The following PSMC6 variants were observed in gnomAD, a reference collection of about 807,000 sequenced individuals.
PSMC6 encodes proteasome 26S subunit, ATPase 6.
Under a neutral mutation model 55.9 loss-of-function variants are expected in PSMC6, and 3 were observed. The ratio of observed to expected loss-of-function variants is 0.05; its 90% CI spans 0.02 to 0.14. PSMC6 has a LOEUF of 0.14. Ranked by LOEUF, PSMC6 falls within the 10% of genes least tolerant of loss-of-function variation. The probability of loss-of-function intolerance (pLI) is 1.00; values close to 1 mark genes in which losing one functional copy is unlikely to be tolerated. For synonymous variants in PSMC6, 137 were observed against 155.9 expected (o/e 0.88, Z 0.90); for missense variants, 210 against 478.7 (o/e 0.44, Z 5.24).
chr14:52,715,578 G>T (rs990271732), intron 7 of PSMC6, among the ~76,000 whole-genome samples: 1 of 151,492 alleles, frequency 6.6e-6, no homozygotes, highest in South Asian at 2.1e-4. Flanking sequence ...CATATATCTG[G>T]CACTATGTGG....
chr14:52,713,972 G>T lies in PSMC6; in HGVS notation c.529+4G>T, dbSNP rs763438436. The T allele has an allele frequency of 2.0e-6, 3 of 1,504,954 alleles. No homozygotes were observed. The highest frequency in any genetic ancestry group is 2.7e-6 in the Non-Finnish European group (3 of 1,098,330). The allele number at this position is 1,504,954 out of a possible 1,614,324, so 93.2% of individuals were successfully genotyped here. ...TGTTTGTTATATGGACCACCAGGTT[G>T]GTATTGAATTATTTCTACTCCACCA... On this transcript the variant is annotated splice_donor_region_variant and intron_variant, in intron 7 of 13. Transcript: ENST00000445930.
At position 52,723,960 on chromosome 14, in the gene PSMC6, A is replaced by T; in HGVS notation, c.980-5A>T. On this transcript the variant is annotated splice_region_variant and splice_polypyrimidine_tract_variant and intron_variant, in intron 12 of 13. Coordinates refer to ENST00000445930, the MANE Select transcript of PSMC6 (RefSeq NM_002806.5). ...AAACTAATTTCCAGTATTTTTTCTA[A>T]ACAGATTATGAAGCAATTGTGAAGC... 6.2e-7 allele frequency: 1 copy of T among 1,612,366 alleles called. No individual in the cohort carries two copies. The highest frequency in any genetic ancestry group is 8.5e-7 in the Non-Finnish European group (1 of 1,179,346).
chr14:52,724,154 C>G, intron 13 of PSMC6, 118 bp downstream of exon 13: 3 of 880,860 alleles, frequency 3.4e-6, no homozygotes, highest in East Asian at 2.7e-5. Flanking sequence ...TCATGCTGTT[C>G]TTTTAGGAAT....
At chr14:52,718,029 C>T (rs889287814) in intron 7 of PSMC6, 52 bp from the exon 8 acceptor site, 3 of 1,571,060 alleles carry the variant, frequency 1.9e-6, no homozygotes, top group African/African-American at 2.7e-5. Flanking sequence ...TGTCTCAAAA[C>T]AAATTTTTTT....
At chr14:52,724,657 G>A (rs1594855179) in intron 13 of PSMC6, among the ~76,000 whole-genome samples, 1 of 152,158 alleles carries the variant, frequency 6.6e-6, no homozygotes, top group East Asian at 1.9e-4. Context: ...ATAATTCTCT[G>A]TGGATTGTGT....
At chr14:52,716,801 A>G (rs1244197939) in intron 7 of PSMC6, among the ~76,000 whole-genome samples, 1 of 152,196 alleles carries the variant, frequency 6.6e-6, no homozygotes, top group Non-Finnish European at 1.5e-5. Flanking sequence ...TTGGAATACT[A>G]TTCAGCCTTA....
intron 6 of PSMC6, among the ~76,000 whole-genome samples, chr14:52,713,083 T>C (rs745527640): frequency 2.0e-4 from 31 of 152,058 alleles, no homozygotes; most frequent in Non-Finnish European, 3.1e-4. Context: ...GTACAAAAAT[T>C]AGCCAGGTGT....
At chr14:52,725,477 G>A (rs746586156) in intron 13 of PSMC6, among the ~76,000 whole-genome samples, 3 of 152,144 alleles carry the variant, frequency 2.0e-5, no homozygotes, top group Non-Finnish European at 4.4e-5. Flanking sequence ...TTCAACTACA[G>A]TTGCCCTTCC....
rs1233465285 is a variant in PSMC6, at chr14:52,707,645, G to T, written c.85+341G>T. On this transcript the variant is annotated intron_variant, in intron 1 of 13. Transcript: ENST00000445930. ...TCCCGGGACTTGGAGAGGGGAAGGCGCTTGAGTCAAGTAAGCTCAAACAAG... is the reference window on the plus strand; with the variant it reads ...TCCCGGGACTTGGAGAGGGGAAGGCTCTTGAGTCAAGTAAGCTCAAACAAG... 3 of 270,256 alleles carry T rather than the reference G, an allele frequency of 1.1e-5. No individual in the cohort carries two copies. In the East Asian group the frequency reaches 3.0e-4, roughly 27 times the overall value. The allele number at this position is 270,256 out of a possible 1,614,324, so 16.7% of individuals were successfully genotyped here.
chr14:52,725,660 C>T (rs113770556), intron 13 of PSMC6, among the ~76,000 whole-genome samples: 10 of 152,286 alleles, frequency 6.6e-5, no homozygotes, highest in African/African-American at 2.4e-4. Context: ...GGACTATAGG[C>T]GTGCGCCACC....
chr14:52,711,903 C>T (rs1024240650), intron 6 of PSMC6, among the ~76,000 whole-genome samples: 6 of 152,132 alleles, frequency 3.9e-5, no homozygotes, highest in African/African-American at 1.4e-4. Context: ...ACTAGCTTCC[C>T]ACTCTTACAG....
At chr14:52,722,374 CTT>C (rs76724270) in intron 12 of PSMC6, 26 of 136,700 alleles carry the variant, frequency 1.9e-4, no homozygotes, top group East Asian at 4.2e-4. Context: ...CCCCCCTGCC[CTT>C]TTTTTTTTTT....
In PSMC6 at chr14:52,711,183, C is replaced by G; in HGVS notation, c.326+15C>G. ...ACTATCATGAGGTGGGTTTCTTATT[C>G]TATTTAGTTCACCTTTTATTTTCAC... On this transcript the variant is annotated intron_variant, in intron 5 of 13. Transcript: ENST00000445930. The G allele has an allele frequency of 6.3e-7, 1 of 1,599,130 alleles. No individual in the cohort carries two copies.
chr14:52,711,016 GTTTGGCTTCT>G, intron 4 of PSMC6, 75 bp from the exon 5 acceptor site: 1 of 280,174 alleles, frequency 3.6e-6, no homozygotes, highest in Non-Finnish European at 6.1e-6. Flanking sequence ...AAAAATGAGT[GTTTGGCTTCT>G]AAATATTAAA....
At chr14:52,716,646 G>A (rs577552684) in intron 7 of PSMC6, among the ~76,000 whole-genome samples, 14 of 152,156 alleles carry the variant, frequency 9.2e-5, no homozygotes, top group Non-Finnish European at 1.6e-4. Context: ...CCAGCTACTC[G>A]GGAGGCAGAG....
At chr14:52,709,673 TATATA>T (rs773552446) in intron 4 of PSMC6, 44 of 430,884 alleles carry the variant, frequency 1.0e-4, no homozygotes, top group Non-Finnish European at 1.8e-4. Context: ...AAAGCCGAAG[TATATA>T]TAAGTTGAGT....
intron 7 of PSMC6, among the ~76,000 whole-genome samples, chr14:52,714,385 C>A (rs2041807438): frequency 6.6e-6 from 1 of 152,160 alleles, no homozygotes; most frequent in Non-Finnish European, 1.5e-5. Context: ...CTCCTCTCTT[C>A]AGAGTGAGAA....
rs956227504 is a variant in PSMC6 at position 52,708,332 on chromosome 14, A to G, written c.109A>G (p.Thr37Ala). The change falls in exon 2 of 14, where the codon ACC becomes GCC. Residue 37 changes from threonine (T) to alanine (A), a missense_variant. Coordinates refer to ENST00000445930, the MANE Select transcript of PSMC6 (RefSeq NM_002806.5). ...AGTAAGGGAACAATTAAAAGAACTT[A>G]CCAAGCAGTATGAAAAGTCTGAAAA... ...KELREQLKEL[T>A]KQYEKSENDL... 30 of 1,612,012 alleles carry G rather than the reference A, an allele frequency of 1.9e-5. No individual in the cohort carries two copies. The highest frequency in any genetic ancestry group is 2.4e-5 in the Non-Finnish European group (28 of 1,178,190).
In PSMC6 at chr14:52,720,862, T is replaced by A; in HGVS notation, c.779T>A (p.Leu260Ter). The change falls in exon 11 of 14, where the codon TTA becomes TAA. Residue 260 changes from leucine (L) to a stop codon, truncating the protein, a stop_gained and splice_region_variant. Transcript: ENST00000445930. LOFTEE classifies it high-confidence loss of function. ...AAATCTGATTCTTAATATTCTTAGT[T>A]ACTGAATCAAATGGATGGATTTGAT... ...DREIQRTLME[L>*]LNQMDGFDTL... 1 of 1,585,748 alleles carries A rather than the reference T, an allele frequency of 6.3e-7. No individual in the cohort carries two copies.
Sources: allele counts gnomAD v4.1 joint callset (sites outside exome capture counted in the v4.1 genomes callset), GRCh38; gene constraint gnomAD v4.1.1; transcripts MANE v1.5; gene names NCBI Gene and HGNC (gene_info 2026-07-23, HGNC 2026-07-21).